Variants in FGF12 observed in about 807,000 individuals in gnomAD.
FGF12 encodes fibroblast growth factor 12B.
Under a neutral mutation model 23.6 loss-of-function variants are expected in FGF12, and 14 were observed. That is an observed-to-expected ratio of 0.59 (90% CI 0.39 to 0.93). FGF12 has a LOEUF of 0.93. FGF12 is among the 40% of genes least tolerant of loss of function. The pLI is 0.00. For missense variants in FGF12, 175 were observed against 217.8 expected (o/e 0.80, Z 1.24); for synonymous variants, 62 against 77.3 (o/e 0.80, Z 1.04).
At chr3:192,307,420 T>C (rs926493008) in intron 4 of FGF12, among the ~76,000 whole-genome samples, 1 of 152,174 alleles carries the variant, frequency 6.6e-6, no homozygotes, top group African/African-American at 2.4e-5. Flanking sequence ...TTGTGGTGAA[T>C]ATTAGAAAAG....
At chr3:192,308,133 G>T (rs139978803) in intron 4 of FGF12, among the ~76,000 whole-genome samples, 140 of 152,122 alleles carry the variant, frequency 9.2e-4, no homozygotes, top group Middle Eastern at 3.4e-3. Context: ...TGATAAATTA[G>T]CAGACCATTA....
chr3:192,681,685 T>C (rs886854620), intron 2 of FGF12, among the ~76,000 whole-genome samples: 2 of 152,158 alleles, frequency 1.3e-5, no homozygotes, highest in Non-Finnish European at 1.5e-5. Flanking sequence ...TTCCCAAATA[T>C]CACCCAGATC....
intron 3 of FGF12, among the ~76,000 whole-genome samples, chr3:192,351,819 T>TTC (rs1718232505): frequency 6.6e-6 from 1 of 152,058 alleles, no homozygotes; most frequent in East Asian, 1.9e-4. Flanking sequence ...GAGCGTGGGG[T>TTC]TCTGTATGGG....
At chr3:192,309,464 T>G (rs890439341) in intron 4 of FGF12, among the ~76,000 whole-genome samples, 3 of 152,176 alleles carry the variant, frequency 2.0e-5, no homozygotes, top group African/African-American at 7.2e-5. Flanking sequence ...AGATGGGAAC[T>G]GGAAGATAAG....
rs1325095002 is a variant in FGF12 at position 192,158,382 on chromosome 3, C to CTTTCTTTCTT, written c.427+12075_427+12076insAAGAAAGAAA. ...TCTTTCTTTCTTTCTTTCTTTCTTT[C>CTTTCTTTCTT]TTTTCTTTCTCTCTCTTTCTTTTTC... On this transcript the variant is annotated intron_variant, in intron 5 of 5. Coordinates refer to ENST00000445105, the MANE Select transcript of FGF12 (RefSeq NM_004113.6). Among the ~76,000 whole-genome samples, 240 of 81,534 alleles carry CTTTCTTTCTT rather than the reference C, an allele frequency of 2.9e-3. 6 individuals carry two copies. The highest frequency in any genetic ancestry group is 0.013 in the African/African-American group (223 of 17,508). The allele number at this position is 81,534 out of a possible 152,430, so 53.5% of individuals were successfully genotyped here.
At chr3:192,628,484 C>G (rs9713181) in intron 2 of FGF12, among the ~76,000 whole-genome samples, 5 of 100,484 alleles carry the variant, frequency 5.0e-5, no homozygotes, top group East Asian at 3.4e-4. Context: ...CACACACACA[C>G]ACAGACATAT....
At chr3:192,312,658 A>G (rs1343440478) in intron 4 of FGF12, among the ~76,000 whole-genome samples, 1 of 152,046 alleles carries the variant, frequency 6.6e-6, no homozygotes, top group African/African-American at 2.4e-5. Flanking sequence ...GAGCTAATGA[A>G]AACTTAAAAT....
At chr3:192,569,036 G>A (rs567272626) in intron 2 of FGF12, among the ~76,000 whole-genome samples, 13 of 152,240 alleles carry the variant, frequency 8.5e-5, no homozygotes, top group East Asian at 3.9e-4. Flanking sequence ...CAGTACATGC[G>A]GAATAATCAC....
intron 4 of FGF12, among the ~76,000 whole-genome samples, chr3:192,227,337 G>A (rs12630527): frequency 6.6e-6 from 1 of 151,756 alleles, no homozygotes; most frequent in Non-Finnish European, 1.5e-5. Flanking sequence ...CCTTAACTCC[G>A]TACCCTGTGC....
chr3:192,195,471 A>C (rs1717018068), intron 4 of FGF12, among the ~76,000 whole-genome samples: 1 of 152,220 alleles, frequency 6.6e-6, no homozygotes, highest in Non-Finnish European at 1.5e-5. Context: ...TTTAGATACA[A>C]AAACACTTAC....
At chr3:192,483,523 A>T (rs1023330493) in intron 2 of FGF12, among the ~76,000 whole-genome samples, 9 of 152,200 alleles carry the variant, frequency 5.9e-5, no homozygotes, top group African/African-American at 2.2e-4. Context: ...AAAATGAGAT[A>T]ATTCACAAAT....
At chr3:192,366,964 A>G (rs868126792) in intron 2 of FGF12, among the ~76,000 whole-genome samples, 5 of 152,238 alleles carry the variant, frequency 3.3e-5, no homozygotes, top group Admixed American at 6.5e-5. Context: ...ATTCAAAGAC[A>G]GAACAGGTCG....
At chr3:192,666,164 AT>A (rs1716866469) in intron 2 of FGF12, among the ~76,000 whole-genome samples, 1 of 152,230 alleles carries the variant, frequency 6.6e-6, no homozygotes, top group African/African-American at 2.4e-5. Flanking sequence ...TTAAAAAGTC[AT>A]TTAATTTTAA....
chr3:192,174,079 C>T (rs1436191423), intron 4 of FGF12, among the ~76,000 whole-genome samples: 1 of 152,224 alleles, frequency 6.6e-6, no homozygotes, highest in African/African-American at 2.4e-5. Context: ...CGCAATCCTG[C>T]TTTTGATGCC....
rs937276909 is a variant in FGF12, at chr3:192,297,789, G to T, written c.228+37572C>A. On this transcript the variant is annotated intron_variant, in intron 4 of 5. Coordinates refer to ENST00000445105, the MANE Select transcript of FGF12 (RefSeq NM_004113.6). Reference sequence around the variant, plus strand: ...AGAATCTCTAACATCCCCAAAGTTAGCAGTGCTGTTTTGATATGGTTAACA... The same window carrying T: ...AGAATCTCTAACATCCCCAAAGTTATCAGTGCTGTTTTGATATGGTTAACA... Among the ~76,000 whole-genome samples the T allele has an allele frequency of 3.3e-5, 5 of 152,278 alleles. No individual in the cohort carries two copies. In the East Asian group the frequency reaches 9.7e-4, roughly 29 times the overall value.
intron 2 of FGF12, among the ~76,000 whole-genome samples, chr3:192,484,336 AAAG>A (rs1250873412): frequency 6.8e-5 from 10 of 147,268 alleles, no homozygotes; most frequent in Middle Eastern, 3.5e-3. Context: ...AAAAAAAAAA[AAAG>A]AACATCAATT....
At chr3:192,283,464 T>G (rs1159840512) in intron 4 of FGF12, among the ~76,000 whole-genome samples, 1 of 152,128 alleles carries the variant, frequency 6.6e-6, no homozygotes, top group Non-Finnish European at 1.5e-5. Flanking sequence ...TCAGCTCTAT[T>G]CATAAAAGGA....
At chr3:192,209,222 A>ACTAC (rs1302483824) in intron 4 of FGF12, among the ~76,000 whole-genome samples, 4 of 152,314 alleles carry the variant, frequency 2.6e-5, no homozygotes, top group African/African-American at 9.6e-5. Flanking sequence ...AGCTATTGCC[A>ACTAC]CTACCACCAC....
rs572695917 is a variant in FGF12 at position 192,336,623 on chromosome 3, C to T, written c.125-1159G>A. 6.6e-6 allele frequency among the ~76,000 whole-genome samples: 1 copy of T among 152,252 alleles called. No individual in the cohort carries two copies. Among genetic ancestry groups the T allele is most frequent in the African/African-American group, 2.4e-5 (1 of 41,550 alleles). On this transcript the variant is annotated intron_variant, in intron 3 of 5. Coordinates refer to ENST00000445105, the MANE Select transcript of FGF12 (RefSeq NM_004113.6). The surrounding 1 kb of genome is among the most constrained non-coding windows in gnomAD (Gnocchi z 4.3). ...TCTGCAGTTCATTTCAGTATCCTGG[C>T]TTAATTAGAAGTTCTTATCCACTTT...
Sources: allele counts gnomAD v4.1 joint callset (sites outside exome capture counted in the v4.1 genomes callset), GRCh38; gene constraint gnomAD v4.1.1; non-coding constraint Gnocchi (gnomAD v3.1); transcripts MANE v1.5; gene names NCBI Gene and HGNC (gene_info 2026-07-23, HGNC 2026-07-21).